The following KANSL1L variants were observed in gnomAD, a reference collection of about 807,000 sequenced individuals.
KANSL1L encodes the protein KAT8 regulatory NSL complex subunit 1 like, also known as KAT8 regulatory NSL complex subunit 1-like protein.
KANSL1L carries 25 observed loss-of-function variants against 108.6 expected under a neutral mutation model. The observed-to-expected ratio is 0.23, with a 90% CI of 0.17 to 0.32. The LOEUF (loss-of-function observed/expected upper bound fraction) is 0.32. Ranked by LOEUF, KANSL1L falls within the 10% of genes least tolerant of loss-of-function variation. The probability of loss-of-function intolerance (pLI) is 1.00; values close to 1 mark genes in which losing one functional copy is unlikely to be tolerated. For missense variants in KANSL1L, 1,137 were observed against 1,125.7 expected (o/e 1.01, Z -0.14); for synonymous variants, 405 against 395.1 (o/e 1.03, Z -0.30).
In KANSL1L at chr2:210,104,003, C is replaced by T. The variant is rs983283359; in HGVS notation, c.1428+101G>A. The T allele has an allele frequency of 5.6e-6, 5 of 892,822 alleles. No individual in the cohort carries two copies. In the Admixed American group the frequency reaches 1.0e-4, roughly 19 times the overall value. The allele number at this position is 892,822 out of a possible 1,614,324, so 55.3% of individuals were successfully genotyped here. A position where few individuals can be genotyped will look rare whatever the true frequency, so the allele number is the denominator to read the frequency against. ...TGCCAGATGGCCTAGTTTAATAACACATATGCCAGGAAGATACACATATAA... is the reference window on the plus strand; with the variant it reads ...TGCCAGATGGCCTAGTTTAATAACATATATGCCAGGAAGATACACATATAA... On this transcript the variant is annotated intron_variant, in intron 4 of 14. Coordinates refer to ENST00000281772, the MANE Select transcript of KANSL1L (RefSeq NM_152519.4).
intron 5 of KANSL1L, chr2:210,096,834 A>C: frequency 1.1e-6 from 1 of 885,050 alleles, no homozygotes; most frequent in Non-Finnish European, 1.4e-6. Context: ...CAATAGAACA[A>C]TGGATACATA....
At chr2:210,068,178 A>G (rs1023855443) in intron 6 of KANSL1L, among the ~76,000 whole-genome samples, 34 of 152,208 alleles carry the variant, frequency 2.2e-4, no homozygotes, top group African/African-American at 8.0e-4. Flanking sequence ...GCCCGGCTGC[A>G]TATTTTTTAT....
chr2:210,024,473 T>TA (rs1463105645), intron 13 of KANSL1L, among the ~76,000 whole-genome samples: 1 of 152,140 alleles, frequency 6.6e-6, no homozygotes, highest in African/African-American at 2.4e-5. Context: ...TTTGTCTGAC[T>TA]AATTAAATGA....
rs2095317823 is a variant in KANSL1L at position 210,153,780 on chromosome 2, T to C, written c.803A>G (p.Gln268Arg). ...ATGAAATGTCTTCATTTTGGGGAGT[T>C]GATGTTTCATAGACAATTTCATCTG... ...GQQMKLSMKH[Q>R]LPKMKTFHEP... The change falls in exon 2 of 15, where the codon CAA (glutamine) becomes CGA (arginine). Residue 268 changes from glutamine (Q) to arginine (R), a missense_variant. Around this residue, in one of 3 missense-constraint regions of KANSL1L, gnomAD observed 556 missense variants for 537.7 expected, o/e 1.03. Transcript: ENST00000281772. The C allele has an allele frequency of 1.2e-6, 2 of 1,612,812 alleles. No individual in the cohort carries two copies. Among genetic ancestry groups the C allele is most frequent in the Non-Finnish European group, 1.7e-6 (2 of 1,179,684 alleles).
intron 7 of KANSL1L, among the ~76,000 whole-genome samples, chr2:210,041,932 G>T (rs912846718): frequency 6.6e-6 from 1 of 152,148 alleles, no homozygotes; most frequent in Non-Finnish European, 1.5e-5. Context: ...AAAATTAGGT[G>T]ACAAAATGAA....
At chr2:210,120,978 T>C (rs1043530039) in intron 3 of KANSL1L, among the ~76,000 whole-genome samples, 1 of 152,034 alleles carries the variant, frequency 6.6e-6, no homozygotes, top group Non-Finnish European at 1.5e-5. Flanking sequence ...ATGGCTACTA[T>C]TAAAAAGTCA....
chr2:210,040,016 T>C (rs1043261913), intron 8 of KANSL1L, among the ~76,000 whole-genome samples: 7 of 151,844 alleles, frequency 4.6e-5, no homozygotes, highest in African/African-American at 1.7e-4. Context: ...TAATTCCTTT[T>C]ATATTTTCCC....
At chr2:210,054,550 A>G (rs568443660) in intron 6 of KANSL1L, among the ~76,000 whole-genome samples, 9 of 152,262 alleles carry the variant, frequency 5.9e-5, no homozygotes, top group East Asian at 1.9e-4. Flanking sequence ...CAGCAATTCA[A>G]CTTCTGGGAT....
chr2:210,085,824 A>G (rs977757191), intron 5 of KANSL1L, among the ~76,000 whole-genome samples: 1 of 151,218 alleles, frequency 6.6e-6, no homozygotes, highest in East Asian at 1.9e-4. Flanking sequence ...ACCACAATTT[A>G]TTAATATATT....
chr2:210,070,430 C>A (rs928865281), intron 6 of KANSL1L, among the ~76,000 whole-genome samples: 1 of 151,544 alleles, frequency 6.6e-6, no homozygotes, highest in African/African-American at 2.4e-5. Context: ...TGGGGTTTCA[C>A]CATGTTAGCC....
chr2:210,032,508 C>T (rs2094032592), intron 8 of KANSL1L: 2 of 152,176 alleles, frequency 1.3e-5, no homozygotes, highest in African/African-American at 4.8e-5. Context: ...TCTAGACCCA[C>T]AAGAAAGGAA....
At chr2:210,042,751 ATAT>A (rs747363068) in intron 7 of KANSL1L, among the ~76,000 whole-genome samples, 9 of 152,216 alleles carry the variant, frequency 5.9e-5, no homozygotes, top group African/African-American at 1.4e-4. Context: ...TTATTTTATC[ATAT>A]TATTAAGGTT....
chr2:210,162,072 A>ATATAT (rs1487349238), intron 1 of KANSL1L, among the ~76,000 whole-genome samples: 4 of 144,788 alleles, frequency 2.8e-5, no homozygotes, highest in Admixed American at 2.1e-4. Flanking sequence ...TTAAAAAAAA[A>ATATAT]AAAAATATAT....
At position 210,028,860 on chromosome 2, in the gene KANSL1L, T is replaced by C. The variant is rs150714258; in HGVS notation, c.2381A>G (p.Glu794Gly). ...PAKLEKLQYKEILTPSWRMVV... is the reference protein window; with the variant it reads ...PAKLEKLQYKGILTPSWRMVV... ...GTATACATACCTTGGAGTAAGTATT[T>C]CCTTATATTGGAGTTTCTCTAATTT... is the stretch of plus-strand genomic sequence containing the variant. The change falls in exon 11 of 15, where the codon GAA (glutamate) becomes GGA (glycine). Residue 794 changes from glutamate to glycine, a missense_variant. Glu to Gly is a moderately conservative substitution (Grantham distance 98, BLOSUM62 -2). Around this residue, in one of 3 missense-constraint regions of KANSL1L, gnomAD observed 575 missense variants for 567.1 expected, o/e 1.01. Coordinates refer to ENST00000281772, the MANE Select transcript of KANSL1L (RefSeq NM_152519.4). 5.7e-6 allele frequency: 9 copies of C among 1,592,542 alleles called. 1 individual carries two copies. The South Asian group carries it at 8.9e-5, about 16-fold the overall frequency.
At chr2:210,132,687 G>T (rs989749979) in intron 2 of KANSL1L, among the ~76,000 whole-genome samples, 4 of 152,174 alleles carry the variant, frequency 2.6e-5, no homozygotes, top group Non-Finnish European at 5.9e-5. Context: ...ATTTGGTCAT[G>T]ATGAATTTTT....
At chr2:210,086,727 A>G (rs1015623194) in intron 5 of KANSL1L, among the ~76,000 whole-genome samples, 3 of 152,230 alleles carry the variant, frequency 2.0e-5, no homozygotes, top group African/African-American at 7.2e-5. Flanking sequence ...TATATCAAAC[A>G]AAAGTTCTAT....
upstream of KANSL1L, among the ~76,000 whole-genome samples, chr2:210,172,154 T>C: frequency 6.6e-6 from 1 of 152,154 alleles, no homozygotes; most frequent in East Asian, 1.9e-4. Flanking sequence ...CTGAGCGTCT[T>C]GCACCTGGCC....
upstream of KANSL1L, chr2:210,171,482 T>A (rs551765334): frequency 6.5e-6 from 1 of 154,124 alleles, no homozygotes; most frequent in South Asian, 1.8e-4. Context: ...ATGAAGCGGG[T>A]GGCGGGGAAA....
At chr2:210,105,376 T>C (rs59522543) in intron 3 of KANSL1L, among the ~76,000 whole-genome samples, 1 of 139,198 alleles carries the variant, frequency 7.2e-6, no homozygotes, top group Non-Finnish European at 1.5e-5. Flanking sequence ...TGAAAAAAAA[T>C]ATATATATAT....
Sources: allele counts gnomAD v4.1 joint callset (sites outside exome capture counted in the v4.1 genomes callset), GRCh38; gene constraint gnomAD v4.1.1; regional missense constraint gnomAD v4.1.1; transcripts MANE v1.5; gene names NCBI Gene and HGNC (gene_info 2026-07-23, HGNC 2026-07-21).